PCDHGB1: variants seen among roughly 807,000 people sequenced by gnomAD.
PCDHGB1 encodes the protein protocadherin gamma subfamily B, 1.
In PCDHGB1, 34 loss-of-function variants were observed where a neutral mutation model predicts 56.6. The ratio of observed to expected loss-of-function variants is 0.60; its 90% confidence interval spans 0.46 to 0.80. The LOEUF (loss-of-function observed/expected upper bound fraction) is 0.80. Among genes scored for constraint, PCDHGB1 ranks in the 30% least tolerant of loss-of-function variants. The pLI is 0.00. For missense variants in PCDHGB1, 1,278 were observed against 1,204.6 expected, an observed-to-expected ratio of 1.06 and a Z score of -0.90; for synonymous variants, 561 against 505.9, an observed-to-expected ratio of 1.11 and a Z score of -1.46.
chr5:141,490,374 C>T lies in PCDHGB1; in HGVS notation c.2410-4433C>T, dbSNP rs1452417604. 1.2e-6 allele frequency: 2 copies of T among 1,614,082 alleles called. No homozygotes were observed. Among genetic ancestry groups the T allele is most frequent in the Middle Eastern group, 1.6e-4 (1 of 6,084 alleles). ...GGTTGTTTAATGTGCGAGACCGGGA[C>T]TCAGGTAGAAATGGTGAAGTGAGCC... On this transcript the variant is annotated intron_variant, in intron 1 of 3. Coordinates refer to ENST00000523390, the MANE Select transcript of PCDHGB1 (RefSeq NM_018922.3). This position sits in a 1 kb window ranked among gnomAD's most constrained non-coding sequence, Gnocchi z 5.4.
intron 1 of PCDHGB1, chr5:141,419,577 C>T: frequency 3.7e-6 from 6 of 1,611,732 alleles, no homozygotes; most frequent in Non-Finnish European, 5.1e-6. Flanking sequence ...GACGGCTCCG[C>T]GCTCTTCGAC....
At chr5:141,387,534 G>T in intron 1 of PCDHGB1, among the ~76,000 whole-genome samples, 1 of 152,198 alleles carries the variant, frequency 6.6e-6, no homozygotes, top group East Asian at 1.9e-4. Context: ...ACGTATCCAC[G>T]TAGTTTTTGT....
chr5:141,418,773 A>G, intron 1 of PCDHGB1: 2 of 1,613,904 alleles, frequency 1.2e-6, no homozygotes, highest in Non-Finnish European at 1.7e-6. Flanking sequence ...CTAACTCAGC[A>G]GCCTTTGGAT....
At chr5:141,365,720 A>G (rs758782408) in intron 1 of PCDHGB1, 17 of 1,613,732 alleles carry the variant, frequency 1.1e-5, no homozygotes, top group Non-Finnish European at 1.2e-5. Flanking sequence ...TGTCACAGAA[A>G]ACAATCCCAG....
intron 1 of PCDHGB1, among the ~76,000 whole-genome samples, chr5:141,455,406 CAG>C (rs1306843200): frequency 3.3e-5 from 5 of 152,226 alleles, no homozygotes; most frequent in Non-Finnish European, 5.9e-5. Flanking sequence ...CTTACAGAGA[CAG>C]AGGGAGCGGG....
At chr5:141,445,963 A>G (rs2098483291) in intron 1 of PCDHGB1, among the ~76,000 whole-genome samples, 2 of 152,342 alleles carry the variant, frequency 1.3e-5, no homozygotes, top group South Asian at 2.1e-4. Flanking sequence ...TATATGGAGA[A>G]TTGATTTATG....
At chr5:141,454,665 CA>C (rs2098795764) in intron 1 of PCDHGB1, among the ~76,000 whole-genome samples, 3 of 152,058 alleles carry the variant, frequency 2.0e-5, no homozygotes, top group Non-Finnish European at 4.4e-5. Flanking sequence ...CTCGGCCTCC[CA>C]AAACACTGGG....
intron 1 of PCDHGB1, chr5:141,383,671 G>T: frequency 6.2e-7 from 1 of 1,613,998 alleles, no homozygotes; most frequent in Non-Finnish European, 8.5e-7. Flanking sequence ...TGTGCCAGTG[G>T]GTACAAGACT....
At chr5:141,401,059 G>T (rs1418485253) in intron 1 of PCDHGB1, among the ~76,000 whole-genome samples, 2 of 152,082 alleles carry the variant, frequency 1.3e-5, no homozygotes, top group Non-Finnish European at 2.9e-5. Flanking sequence ...AATACTATAT[G>T]TTGGCTGGGT....
intron 1 of PCDHGB1, chr5:141,364,809 C>T (rs779195716): frequency 3.1e-6 from 5 of 1,613,834 alleles, no homozygotes; most frequent in Non-Finnish European, 4.2e-6. Flanking sequence ...GCGCGGGATG[C>T]GGATGTGGGT....
intron 1 of PCDHGB1, chr5:141,484,931 A>T: frequency 4.0e-6 from 2 of 498,120 alleles, no homozygotes; most frequent in South Asian, 5.3e-5. Context: ...TGCTGTTGGG[A>T]CGTTCTCTGC....
rs547854431 is a variant in PCDHGB1, at chr5:141,476,383, C to A, written c.2410-18424C>A. 1.2e-6 allele frequency: 2 copies of A among 1,614,102 alleles called. No homozygotes were observed. Among genetic ancestry groups the A allele is most frequent in the African/African-American group, 1.3e-5 (1 of 75,014 alleles). On this transcript the variant is annotated intron_variant, in intron 1 of 3. Transcript: ENST00000523390. The surrounding 1 kb of genome is among the most constrained non-coding windows in gnomAD (Gnocchi z 7.6). ...GGGAGACCGGAGAGATGTTTGTGAA[C>A]GACCGTCTGGATCGAGAGGAGCTGT...
rs1036126623 is a variant in PCDHGB1 at position 141,410,753 on chromosome 5, T to C, written c.2409+58084T>C. The stretch of plus-strand genomic sequence containing the variant: ...AGCTTTTTACAATATTTTCTCAATG[T>C]TTTTTCAATTATAGTTTTCACTATG... On this transcript the variant is annotated intron_variant, in intron 1 of 3. Coordinates refer to ENST00000523390, the MANE Select transcript of PCDHGB1 (RefSeq NM_018922.3). 2.4e-6 allele frequency: 3 copies of C among 1,229,812 alleles called. No homozygotes were observed. In the Admixed American group the frequency reaches 8.8e-5, roughly 36 times the overall value. The allele number at this position is 1,229,812 out of a possible 1,614,324, so 76.2% of individuals were successfully genotyped here. A position where few individuals can be genotyped will look rare whatever the true frequency, so the allele number is the denominator to read the frequency against.
intron 1 of PCDHGB1, chr5:141,355,894 C>T (rs767316640): frequency 6.2e-7 from 1 of 1,613,656 alleles, no homozygotes; most frequent in South Asian, 1.1e-5. Context: ...TCTCATAATA[C>T]TTGTGGATAC....
Position 141,351,673 on chromosome 5 carries a change from C to T in PCDHGB1, c.1413C>T (p.Ser471=), listed in dbSNP as rs746872217. The change falls in exon 1 of 4, where the codon AGC becomes AGT. Residue 471 remains serine, a synonymous_variant. Transcript: ENST00000523390. ...CTGGCGCCTCCATTGCACAAGTAAG[C>T]GCCTCCGACCCGGATTTGGGACCCA... ...NPPGASIAQV[S]ASDPDLGPNG... The T allele has an allele frequency of 6.8e-6, 11 of 1,613,884 alleles. No homozygotes were observed. In the East Asian group the frequency reaches 8.9e-5, roughly 13 times the overall value.
At chr5:141,408,392 C>G in intron 1 of PCDHGB1, 1 of 1,614,002 alleles carries the variant, frequency 6.2e-7, no homozygotes, top group South Asian at 1.1e-5. Context: ...TGTGTCGGCT[C>G]GCAAGCTGCG....
intron 1 of PCDHGB1, chr5:141,412,995 T>G: frequency 1.7e-6 from 1 of 572,718 alleles, no homozygotes. Flanking sequence ...TCAATCCGGA[T>G]TCTCAGGGCT....
intron 1 of PCDHGB1, chr5:141,407,992 G>A (rs929571955): frequency 4.3e-5 from 37 of 851,508 alleles, no homozygotes; most frequent in Middle Eastern, 3.7e-4. Context: ...GTCAGCCTCT[G>A]GCCTGGGATT....
At chr5:141,376,697 T>TTTTTTTTTA (rs60911796) in intron 1 of PCDHGB1, 1 of 652,042 alleles carries the variant, frequency 1.5e-6, no homozygotes, top group African/African-American at 2.1e-5. Context: ...TTTTTTTTTT[T>TTTTTTTTTA]GAGACGGAGT....
Sources: allele counts gnomAD v4.1 joint callset (sites outside exome capture counted in the v4.1 genomes callset), GRCh38; gene constraint gnomAD v4.1.1; non-coding constraint Gnocchi (gnomAD v3.1); transcripts MANE v1.5; gene names NCBI Gene and HGNC (gene_info 2026-07-23, HGNC 2026-07-21).